KATNIP: variants seen among roughly 807,000 people sequenced by gnomAD.
KATNIP encodes the protein katanin interacting protein.
Under a neutral mutation model 174.0 loss-of-function variants are expected in KATNIP, and 126 were observed. That is an observed-to-expected ratio of 0.72 (90% CI 0.63 to 0.84). The LOEUF (loss-of-function observed/expected upper bound fraction) is 0.84. Among genes scored for constraint, KATNIP ranks in the 40% least tolerant of loss-of-function variants. The pLI, the probability that KATNIP is intolerant of heterozygous loss-of-function variation, is 0.00. For synonymous variants in KATNIP, 810 were observed against 835.7 expected (o/e 0.97, Z 0.53); for missense variants, 1,958 against 2,109.7 (o/e 0.93, Z 1.41).
chr16:27,724,930 C>G (rs1333600467), intron 14 of KATNIP, among the ~76,000 whole-genome samples: 1 of 152,154 alleles, frequency 6.6e-6, no homozygotes, highest in Non-Finnish European at 1.5e-5. Context: ...AAAGGGGAGT[C>G]TCTTTTATTG....
chr16:27,604,525 G>A (rs1225794118), intron 2 of KATNIP, among the ~76,000 whole-genome samples: 2 of 152,022 alleles, frequency 1.3e-5, no homozygotes, highest in Non-Finnish European at 2.9e-5. Flanking sequence ...GTGAGTCACC[G>A]CACTCGACTG....
intron 6 of KATNIP, among the ~76,000 whole-genome samples, chr16:27,673,320 ATTG>A (rs756616894): frequency 7.9e-5 from 12 of 152,190 alleles, no homozygotes; most frequent in Non-Finnish European, 1.5e-4. Flanking sequence ...AGCTGCCGAA[ATTG>A]TTGTTAAACA....
intron 15 of KATNIP, among the ~76,000 whole-genome samples, chr16:27,743,421 G>A (rs1172918135): frequency 6.6e-6 from 1 of 152,126 alleles, no homozygotes; most frequent in Non-Finnish European, 1.5e-5. Context: ...CCTGGACAGA[G>A]CTGCCTCCTC....
At chr16:27,550,570 A>G (rs1054177118) in intron 1 of KATNIP, among the ~76,000 whole-genome samples, 1 of 152,030 alleles carries the variant, frequency 6.6e-6, no homozygotes, top group Non-Finnish European at 1.5e-5. Context: ...GGGAAAGGGA[A>G]TTGGTGTGGG....
At chr16:27,552,376 T>C (rs1226690273) in intron 1 of KATNIP, among the ~76,000 whole-genome samples, 1 of 150,936 alleles carries the variant, frequency 6.6e-6, no homozygotes, top group African/African-American at 2.4e-5. Flanking sequence ...GTTTCTTTTT[T>C]CTTTTTTTTT....
At chr16:27,553,754 T>C (rs1024195296) in intron 1 of KATNIP, among the ~76,000 whole-genome samples, 5 of 152,146 alleles carry the variant, frequency 3.3e-5, no homozygotes, top group African/African-American at 1.2e-4. Context: ...GGGGATCACT[T>C]GAGCCCAGGA....
chr16:27,719,627 C>T (rs1051662284), intron 13 of KATNIP, among the ~76,000 whole-genome samples: 10 of 151,780 alleles, frequency 6.6e-5, no homozygotes, highest in African/African-American at 1.2e-4. Flanking sequence ...ATGATCCACC[C>T]GCCTCAGCCT....
At chr16:27,566,533 T>C (rs373556348) in intron 1 of KATNIP, among the ~76,000 whole-genome samples, 1 of 148,096 alleles carries the variant, frequency 6.8e-6, no homozygotes, top group Admixed American at 6.8e-5. Flanking sequence ...TGAGACTCTG[T>C]CTAAAAAAAA....
chr16:27,657,964 A>G (rs2077353128), intron 6 of KATNIP, among the ~76,000 whole-genome samples: 1 of 152,220 alleles, frequency 6.6e-6, no homozygotes, highest in African/African-American at 2.4e-5. Context: ...TAGTTTCCCA[A>G]TTGTGATGTT....
intron 2 of KATNIP, among the ~76,000 whole-genome samples, chr16:27,600,816 G>A (rs1262738731): frequency 2.7e-5 from 4 of 150,188 alleles, no homozygotes; most frequent in Admixed American, 1.3e-4. Flanking sequence ...CACAACCTCC[G>A]CCTCCCAGAT....
intron 13 of KATNIP, among the ~76,000 whole-genome samples, chr16:27,716,431 G>A (rs183410904): frequency 2.6e-5 from 4 of 151,804 alleles, no homozygotes; most frequent in South Asian, 4.2e-4. Flanking sequence ...TGAACTGAAC[G>A]CTTTAAAATG....
At chr16:27,680,768 C>T (rs1449603091) in intron 7 of KATNIP, among the ~76,000 whole-genome samples, 1 of 152,228 alleles carries the variant, frequency 6.6e-6, no homozygotes, top group Non-Finnish European at 1.5e-5. Context: ...AATCTCAGCT[C>T]ACTGCAACCT....
At chr16:27,608,379 C>T (rs558579772) in intron 2 of KATNIP, among the ~76,000 whole-genome samples, 14 of 147,982 alleles carry the variant, frequency 9.5e-5, no homozygotes, top group South Asian at 2.2e-4. Flanking sequence ...TACGGGTGCA[C>T]GCCACCATGA....
At chr16:27,768,344 G>C (rs920914739) in intron 20 of KATNIP, among the ~76,000 whole-genome samples, 1 of 152,168 alleles carries the variant, frequency 6.6e-6, no homozygotes, top group South Asian at 2.1e-4. Context: ...AGGTCACCTC[G>C]AAGGGAATGA....
intron 3 of KATNIP, among the ~76,000 whole-genome samples, chr16:27,628,176 G>A (rs1051739169): frequency 3.3e-5 from 5 of 152,192 alleles, no homozygotes; most frequent in African/African-American, 7.2e-5. Flanking sequence ...CTGGTCTGAC[G>A]AAAGCTGTTT....
In KATNIP at chr16:27,601,283, A is replaced by G. The variant is rs545252120; in HGVS notation, c.64-17142A>G. Among the ~76,000 whole-genome samples, 6 of 152,244 alleles carry G rather than the reference A, an allele frequency of 3.9e-5. 1 individual carries two copies. The highest frequency in any genetic ancestry group is 3.9e-4 in the Admixed American group (6 of 15,290). On this transcript the variant is annotated intron_variant, in intron 2 of 27. Coordinates refer to ENST00000261588, the MANE Select transcript of KATNIP (RefSeq NM_015202.5). ...GTCTGGCGTCCTGATGGGGGAGGCC[A>G]TGTGTAAATGAACAGAGATACTTTC...
chr16:27,639,104 C>T (rs923814556), intron 5 of KATNIP, among the ~76,000 whole-genome samples: 9 of 152,170 alleles, frequency 5.9e-5, no homozygotes, highest in Non-Finnish European at 1.0e-4. Context: ...GTAGAGCTGC[C>T]CTGACAGGAG....
intron 1 of KATNIP, among the ~76,000 whole-genome samples, chr16:27,563,731 G>A (rs897955208): frequency 6.6e-6 from 1 of 151,822 alleles, no homozygotes; most frequent in Non-Finnish European, 1.5e-5. Flanking sequence ...CAAGAGTGGA[G>A]GCAGGGATAC....
chr16:27,653,942 A>G (rs1333196986), intron 6 of KATNIP, among the ~76,000 whole-genome samples: 4 of 151,200 alleles, frequency 2.6e-5, no homozygotes, highest in Non-Finnish European at 4.4e-5. Context: ...ATTTCCAGAT[A>G]TTACAAGGCT....
Sources: allele counts gnomAD v4.1 joint callset (sites outside exome capture counted in the v4.1 genomes callset), GRCh38; gene constraint gnomAD v4.1.1; transcripts MANE v1.5; gene names NCBI Gene and HGNC (gene_info 2026-07-23, HGNC 2026-07-21).